The following AVEN variants were observed in gnomAD, a reference collection of about 807,000 sequenced individuals.
AVEN encodes apoptosis and caspase activation inhibitor, also known as cell death regulator Aven.
A neutral mutation model predicts 38.1 loss-of-function variants in AVEN; 41 were observed. The ratio of observed to expected loss-of-function variants is 1.08; its 90% CI spans 0.84 to 1.40. The LOEUF (loss-of-function observed/expected upper bound fraction) is 1.40, where lower values mean the gene tolerates loss of function less well. Among genes scored for constraint, AVEN ranks in the 40% most tolerant of loss-of-function variants. AVEN has a pLI of 0.00. For missense variants in AVEN, 605 were observed against 438.8 expected, an observed-to-expected ratio of 1.38 and a Z score of -3.38; for synonymous variants, 206 against 171.8, an observed-to-expected ratio of 1.20 and a Z score of -1.56.
At position 34,005,595 on chromosome 15, in the gene AVEN, G is replaced by C. The variant is rs536538137; in HGVS notation, c.268-2386C>G. Among the ~76,000 whole-genome samples, 17 of 152,284 alleles carry C rather than the reference G, an allele frequency of 1.1e-4. No homozygotes were observed. The South Asian group carries it at 3.3e-3, about 30-fold the overall frequency. ...CATAAGCACTATATATAATAACTAA[G>C]ATGGACCACAGGGTTTGGATAATGA... On this transcript the variant is annotated intron_variant, in intron 1 of 5. Coordinates refer to ENST00000306730, the MANE Select transcript of AVEN (RefSeq NM_020371.3).
At chr15:34,040,898 T>TAA (rs60454298), upstream of AVEN, among the ~76,000 whole-genome samples, 30 of 145,074 alleles carry the variant, frequency 2.1e-4, no homozygotes, top group African/African-American at 5.4e-4. Context: ...GGAGACTGTC[T>TAA]AAAAAAAAAA....
chr15:33,961,686 A>C (rs370007989), intron 2 of AVEN, among the ~76,000 whole-genome samples: 1 of 150,876 alleles, frequency 6.6e-6, no homozygotes, highest in East Asian at 2.0e-4. Flanking sequence ...GGTGGCGGGC[A>C]CCTGTAGTCC....
chr15:34,008,224 C>T (rs977501366), intron 1 of AVEN, among the ~76,000 whole-genome samples: 1 of 151,834 alleles, frequency 6.6e-6, no homozygotes, highest in African/African-American at 2.4e-5. Flanking sequence ...AGTTCAAGAC[C>T]AGCCTAGGCA....
intron 2 of AVEN, among the ~76,000 whole-genome samples, chr15:33,907,735 C>A (rs1597218436): frequency 6.9e-6 from 1 of 144,544 alleles, no homozygotes; most frequent in African/African-American, 2.6e-5. Context: ...ACCTTGAAAA[C>A]AATAAAGCAC....
chr15:33,938,833 C>T (rs1302937188), intron 2 of AVEN, among the ~76,000 whole-genome samples: 1 of 152,140 alleles, frequency 6.6e-6, no homozygotes, highest in African/African-American at 2.4e-5. Flanking sequence ...TTTCTTTCTT[C>T]CTTTTTTTTT....
chr15:34,055,059 G>C (rs1900080096), intron 5 of AVEN, among the ~76,000 whole-genome samples: 1 of 151,774 alleles, frequency 6.6e-6, no homozygotes, highest in South Asian at 2.1e-4. Flanking sequence ...GGGCATGGTG[G>C]CACATGCCTG....
chr15:34,007,807 G>A (rs1041724646), intron 1 of AVEN, among the ~76,000 whole-genome samples: 3 of 152,188 alleles, frequency 2.0e-5, no homozygotes, highest in Non-Finnish European at 4.4e-5. Flanking sequence ...GCTCTTTCTG[G>A]AAGTTCTGAG....
At chr15:33,859,514 G>A (rs80248888) in intron 11 of AVEN, 58,803 of 1,578,218 alleles carry the variant, frequency 0.037, 1,456 homozygotes, top group Non-Finnish European at 0.039. Flanking sequence ...AATGATCTGA[G>A]CATCTTGCTA....
At chr15:33,901,312 A>C (rs1407947000) in intron 2 of AVEN, among the ~76,000 whole-genome samples, 2 of 152,208 alleles carry the variant, frequency 1.3e-5, no homozygotes, top group African/African-American at 4.8e-5. Context: ...AAAAGGTATC[A>C]TGCCAACAAG....
intron 2 of AVEN, among the ~76,000 whole-genome samples, chr15:33,927,261 A>G (rs1217714828): frequency 7.2e-6 from 1 of 139,578 alleles, no homozygotes; most frequent in Admixed American, 6.9e-5. Context: ...TCTCAAAATA[A>G]TAATAATAAT....
downstream of AVEN, chr15:33,865,815 G>C (rs1452639826): frequency 6.6e-6 from 1 of 152,666 alleles, no homozygotes; most frequent in African/African-American, 2.4e-5. Flanking sequence ...AGTTTTTTAT[G>C]TTTGTGTTCC....
intron 5 of AVEN, among the ~76,000 whole-genome samples, chr15:34,058,162 C>A (rs1252059737): frequency 6.6e-6 from 1 of 152,182 alleles, no homozygotes; most frequent in Non-Finnish European, 1.5e-5. Flanking sequence ...GGCCTACCCA[C>A]ATTATGGTGG....
chr15:34,008,239 A>G (rs1456732243), intron 1 of AVEN, among the ~76,000 whole-genome samples: 1 of 151,830 alleles, frequency 6.6e-6, no homozygotes, highest in East Asian at 2.0e-4. Context: ...TAGGCAACAT[A>G]GCAAGACCCT....
intron 2 of AVEN, among the ~76,000 whole-genome samples, chr15:33,893,845 TAG>T (rs963044877): frequency 3.3e-5 from 5 of 152,128 alleles, no homozygotes; most frequent in Non-Finnish European, 5.9e-5. Flanking sequence ...GCAGTTGGAA[TAG>T]AGTGTGGTCA....
intron 5 of AVEN, among the ~76,000 whole-genome samples, chr15:34,048,712 C>A (rs1175847248): frequency 6.6e-6 from 1 of 152,246 alleles, no homozygotes; most frequent in Non-Finnish European, 1.5e-5. Flanking sequence ...AGCCAGACTG[C>A]TTCTTTAAGT....
At chr15:33,858,178 T>C (rs935785667), downstream of AVEN, 40 of 411,554 alleles carry the variant, frequency 9.7e-5, no homozygotes, top group African/African-American at 7.7e-4. Flanking sequence ...GCGTCATCAT[T>C]CATCTATTTC....
intron 2 of AVEN, among the ~76,000 whole-genome samples, chr15:33,910,060 G>A (rs1253241246): frequency 2.0e-5 from 3 of 151,670 alleles, no homozygotes; most frequent in Non-Finnish European, 2.9e-5. Flanking sequence ...CCCGGGAGGT[G>A]GAGGTTGCAG....
At chr15:33,911,551 C>T (rs1250914159) in intron 2 of AVEN, among the ~76,000 whole-genome samples, 3 of 152,116 alleles carry the variant, frequency 2.0e-5, no homozygotes, top group Non-Finnish European at 4.4e-5. Context: ...TGGGAAATAA[C>T]TCTTCGTTAA....
intron 1 of AVEN, among the ~76,000 whole-genome samples, chr15:34,025,762 G>A (rs1567474990): frequency 6.6e-6 from 1 of 152,090 alleles, no homozygotes; most frequent in Non-Finnish European, 1.5e-5. Context: ...TTTTGCGTGT[G>A]TGTGTGTGTT....
Sources: allele counts gnomAD v4.1 joint callset (sites outside exome capture counted in the v4.1 genomes callset), GRCh38; gene constraint gnomAD v4.1.1; transcripts MANE v1.5; gene names NCBI Gene and HGNC (gene_info 2026-07-23, HGNC 2026-07-21).